The following XDH variants were observed in gnomAD, a reference collection of about 807,000 sequenced individuals.
XDH encodes xanthine dehydrogenase/oxidase.
Under a neutral mutation model 156.1 loss-of-function variants are expected in XDH, and 138 were observed. The observed-to-expected ratio is 0.88, with a 90% CI of 0.77 to 1.02. XDH has a LOEUF of 1.02. Ranked by LOEUF, XDH falls within the 50% of genes least tolerant of loss-of-function variation. The pLI is 0.00. For missense variants in XDH, 1,849 were observed against 1,684.9 expected, an observed-to-expected ratio of 1.10 and a Z score of -1.71; for synonymous variants, 669 against 625.7, an observed-to-expected ratio of 1.07 and a Z score of -1.03.
At chr2:31,394,978 T>C (rs1440988332) in intron 6 of XDH, among the ~76,000 whole-genome samples, 4 of 152,260 alleles carry the variant, frequency 2.6e-5, no homozygotes, top group African/African-American at 7.2e-5. Context: ...ATACTAATCA[T>C]AGCTTTATAA....
chr2:31,390,561 T>C (rs751680190), intron 6 of XDH, among the ~76,000 whole-genome samples: 4 of 152,216 alleles, frequency 2.6e-5, no homozygotes, highest in Non-Finnish European at 2.9e-5. Context: ...TGATAAGACA[T>C]GTTCAGTTTT....
chr2:31,347,581 G>A lies in XDH; in HGVS notation c.3217C>T (p.Pro1073Ser), dbSNP rs1259130320. 6.2e-7 allele frequency: 1 copy of A among 1,614,190 alleles called. No homozygotes were observed. Among genetic ancestry groups the A allele is most frequent in the Non-Finnish European group, 8.5e-7 (1 of 1,180,030 alleles). ...GAGGCAGCCGTGGGAGAGGTGTTGG[G>A]CACAGTGTTAGTGCTTGTCTCGCTG... ...YISETSTNTV[P>S]NTSPTAASVS... The change falls in exon 29 of 36, where the codon CCC becomes TCC. Residue 1073 changes from proline to serine, a missense_variant. Coordinates refer to ENST00000379416, the MANE Select transcript of XDH (RefSeq NM_000379.4).
intron 15 of XDH, among the ~76,000 whole-genome samples, chr2:31,374,469 TAGAAAC>T (rs1686170785): frequency 1.3e-5 from 2 of 151,806 alleles, no homozygotes; most frequent in Non-Finnish European, 2.9e-5. Flanking sequence ...GAAGGACAGA[TAGAAAC>T]AGAGAGAGAG....
At chr2:31,353,600 G>A (rs1685545729) in intron 24 of XDH, among the ~76,000 whole-genome samples, 1 of 152,088 alleles carries the variant, frequency 6.6e-6, no homozygotes, top group Admixed American at 6.5e-5. Flanking sequence ...CCAGACTTGG[G>A]GCAGGAGCTG....
At chr2:31,350,305 T>C in intron 24 of XDH, 82 bp from the exon 25 acceptor site, 3 of 1,454,952 alleles carry the variant, frequency 2.1e-6, no homozygotes, top group Admixed American at 1.7e-5. Flanking sequence ...GAGGGCTGTA[T>C]CCATTGCCTG....
chr2:31,368,854 A>C (rs1685995105), intron 18 of XDH, among the ~76,000 whole-genome samples, 194 bp from the exon 19 acceptor site: 1 of 152,208 alleles, frequency 6.6e-6, no homozygotes, highest in Admixed American at 6.5e-5. Context: ...AACACATTTC[A>C]TCTCAAGGGC....
chr2:31,368,333 C>A (rs1033521454), intron 19 of XDH, among the ~76,000 whole-genome samples: 2 of 152,172 alleles, frequency 1.3e-5, no homozygotes, highest in Admixed American at 6.5e-5. Flanking sequence ...GAAGGAGGAA[C>A]TCAGTTTGGC....
chr2:31,359,240 T>TA (rs1049450073), intron 24 of XDH, among the ~76,000 whole-genome samples: 8 of 151,958 alleles, frequency 5.3e-5, no homozygotes, highest in African/African-American at 1.2e-4. Flanking sequence ...ATTTCTTTTT[T>TA]AAAAAAAATC....
intron 6 of XDH, among the ~76,000 whole-genome samples, chr2:31,389,854 G>GTT (rs138232551): frequency 1.5e-4 from 21 of 144,784 alleles, no homozygotes; most frequent in Non-Finnish European, 2.1e-4. Flanking sequence ...AAAAAAAAAA[G>GTT]TTTTTTTTTT....
intron 24 of XDH, among the ~76,000 whole-genome samples, chr2:31,362,043 G>T (rs1685793133): frequency 9.0e-6 from 1 of 110,640 alleles, no homozygotes; most frequent in African/African-American, 3.3e-5. Context: ...GTATATACTT[G>T]CTCTCATTAC....
At chr2:31,376,916 A>G in intron 14 of XDH, 137 bp downstream of exon 14, 1 of 1,119,822 alleles carries the variant, frequency 8.9e-7, no homozygotes, top group Non-Finnish European at 1.3e-6. Flanking sequence ...TAGCAGTAGT[A>G]GCAGCAGTAG....
intron 24 of XDH, among the ~76,000 whole-genome samples, chr2:31,351,558 C>T (rs1187774263): frequency 6.6e-6 from 1 of 152,130 alleles, no homozygotes; most frequent in Non-Finnish European, 1.5e-5. Context: ...GGGATTCATC[C>T]CAGGGATTCC....
intron 25 of XDH, 60 bp downstream of exon 25, chr2:31,349,972 C>T: frequency 1.2e-6 from 2 of 1,612,062 alleles, no homozygotes; most frequent in South Asian, 1.1e-5. Flanking sequence ...AGATACAAAG[C>T]CGCTGTCCCC....
Position 31,386,553 on chromosome 2 carries a change from C to A in XDH, c.654G>T (p.Arg218Ser), listed in dbSNP as rs200552762. ...GCTGCTTCCGAGGAGTGTCTTTCAG[C>A]CTCTGGGAAATGCAGTTTTCTTACT... ...QEPIFPPELL[R>S]LKDTPRKQLR... is the part of the protein sequence containing the mutation. The change falls in exon 9 of 36, where the codon AGG becomes AGT. Residue 218 changes from arginine to serine, a missense_variant and splice_region_variant. By Grantham distance (110) the Arg-to-Ser change is moderately radical. Transcript: ENST00000379416. The A allele has an allele frequency of 6.2e-7, 1 of 1,614,148 alleles. No individual in the cohort carries two copies. The highest frequency in any genetic ancestry group is 8.5e-7 in the Non-Finnish European group (1 of 1,180,032).
At position 31,370,582 on chromosome 2, in the gene XDH, C is replaced by T. The variant is rs564260291; in HGVS notation, c.1857-104G>A. The T allele has an allele frequency of 1.6e-4, 236 of 1,437,220 alleles. 3 individuals carry two copies. The South Asian group carries it at 2.2e-3, about 14-fold the overall frequency. The allele number at this position is 1,437,220 out of a possible 1,614,324, so 89.0% of individuals were successfully genotyped here. On this transcript the variant is annotated intron_variant, in intron 17 of 35. Coordinates refer to ENST00000379416, the MANE Select transcript of XDH (RefSeq NM_000379.4). The stretch of plus-strand genomic sequence containing the variant: ...CTTATTTTGATTGGCTTGGCTCCAT[C>T]CTAATTCCTCGATTCTCTGCTTCTT...
chr2:31,353,349 T>A (rs1685538026), intron 24 of XDH, among the ~76,000 whole-genome samples: 1 of 152,166 alleles, frequency 6.6e-6, no homozygotes, highest in Non-Finnish European at 1.5e-5. Context: ...TACTCAGGAT[T>A]CTATCTTGTG....
intron 27 of XDH, 42 bp downstream of exon 27, chr2:31,348,857 C>A: frequency 6.4e-7 from 1 of 1,553,446 alleles, no homozygotes; most frequent in African/African-American, 1.4e-5. Flanking sequence ...GAAATGGGGT[C>A]CCAGTCCAGC....
intron 24 of XDH, among the ~76,000 whole-genome samples, chr2:31,355,464 G>T (rs1044879934): frequency 6.6e-6 from 1 of 151,890 alleles, no homozygotes; most frequent in African/African-American, 2.4e-5. Context: ...TGAATGTAAA[G>T]AAAATATTTA....
intron 23 of XDH, 59 bp from the exon 24 acceptor site, chr2:31,364,303 T>A (rs1685852359): frequency 6.5e-7 from 1 of 1,533,654 alleles, no homozygotes; most frequent in Non-Finnish European, 9.0e-7. Context: ...CACCTCTCTG[T>A]CTCCCTCTGA....
Sources: gnomAD v4.1 joint callset for allele counts (sites outside exome capture counted in the v4.1 genomes callset) on GRCh38, gnomAD v4.1.1 for gene constraint, MANE v1.5 for transcripts, NCBI Gene and HGNC (gene_info 2026-07-23, HGNC 2026-07-21) for gene names.